Variants in TSEN15 observed in about 807,000 individuals in gnomAD.
The protein encoded by TSEN15 is tRNA-splicing endonuclease subunit Sen15.
TSEN15 carries 10 observed loss-of-function variants against 20.5 expected under a neutral mutation model. The observed-to-expected ratio is 0.49, with a 90% CI of 0.30 to 0.83. TSEN15 has a LOEUF of 0.83. TSEN15 is among the 40% of genes least tolerant of loss of function. The probability of loss-of-function intolerance (pLI) is 0.06; values close to 1 mark genes in which losing one functional copy is unlikely to be tolerated. For synonymous variants in TSEN15, 72 were observed against 80.1 expected, an observed-to-expected ratio of 0.90 and a Z score of 0.54; for missense variants, 180 against 218.6, an observed-to-expected ratio of 0.82 and a Z score of 1.11.
In TSEN15 at chr1:184,059,302, T is replaced by C. The variant is rs140188996; in HGVS notation, c.353+4439T>C. On this transcript the variant is annotated intron_variant, in intron 3 of 4. Transcript: ENST00000645668. ...GGTAACTGCAAGTAATTAAGCATGA[T>C]TGCCTACCTAGCATGGTGTCTAGTC... Among the ~76,000 whole-genome samples the C allele has an allele frequency of 3.1e-3, 469 of 152,262 alleles. 2 individuals carry two copies. Among genetic ancestry groups the C allele is most frequent in the African/African-American group, 7.4e-3 (306 of 41,550 alleles).
Position 184,096,683 on chromosome 1 carries a change from G to A in TSEN15, c.*879G>A, listed in dbSNP as rs375917501. 425 of 155,120 alleles carry A rather than the reference G, an allele frequency of 2.7e-3. 8 individuals are homozygous for A. In the South Asian group the frequency reaches 0.037, roughly 14 times the overall value. 9.6% of individuals were successfully genotyped at this position (155,120 alleles called of 1,614,324 possible). A position where few individuals can be genotyped will look rare whatever the true frequency, so the allele number is the denominator to read the frequency against. ...AGAAAGAGGTTTAATTGGACTTACC[G>A]TTCCACATGGCTGGGGAAGCCTCAC... On this transcript the variant is annotated 3_prime_UTR_variant, in exon 4 of 4. Coordinates refer to the TSEN15 transcript ENST00000643231.
intron 3 of TSEN15, among the ~76,000 whole-genome samples, chr1:184,070,177 T>C (rs1258489627): frequency 6.6e-6 from 1 of 151,976 alleles, no homozygotes; most frequent in Non-Finnish European, 1.5e-5. Context: ...AAGATGGAAA[T>C]TTCTATTCTA....
At chr1:184,081,706 C>T (rs912226339) in intron 3 of TSEN15, among the ~76,000 whole-genome samples, 1 of 152,046 alleles carries the variant, frequency 6.6e-6, no homozygotes, top group African/African-American at 2.4e-5. Flanking sequence ...GAGTGAGTTT[C>T]GGGTTGTTTT....
At position 184,059,050 on chromosome 1, in the gene TSEN15, G is replaced by A. The variant is rs74574597; in HGVS notation, c.353+4187G>A. ...GAAAATACTTTTTTTTTTTTTTTTG[G>A]TAATTGTTGGATGGAATTTTAAAAA... On this transcript the variant is annotated intron_variant, in intron 3 of 4. Coordinates refer to ENST00000645668, the MANE Select transcript of TSEN15 (RefSeq NM_052965.4). 1.4e-4 allele frequency among the ~76,000 whole-genome samples: 20 copies of A among 145,492 alleles called. No individual in the cohort carries two copies. The East Asian group carries it at 1.4e-3, about 10-fold the overall frequency.
At chr1:184,078,483 C>T (rs1651104508), downstream of TSEN15, among the ~76,000 whole-genome samples, 1 of 152,090 alleles carries the variant, frequency 6.6e-6, no homozygotes, top group African/African-American at 2.4e-5. Context: ...TTAGCTGGGG[C>T]ATGAAAGAGG....
chr1:184,095,631 T>TTCTCTCTCTCTCTCTATCTCTC (rs1651434958), intron 3 of TSEN15: 62 of 386,120 alleles, frequency 1.6e-4, no homozygotes, highest in Non-Finnish European at 2.5e-4. Context: ...TCTCTCCCCC[T>TTCTCTCTCTCTCTCTATCTCTC]TCTCTCTCTC....
chr1:184,075,063 T>C (rs1651030143), downstream of TSEN15, among the ~76,000 whole-genome samples: 1 of 152,132 alleles, frequency 6.6e-6, no homozygotes, highest in Admixed American at 6.6e-5. Flanking sequence ...CAGAAAGAAG[T>C]GTAAGGATAA....
chr1:184,095,661 CTCTCTCTG>C (rs777548473), intron 3 of TSEN15: 27 of 367,994 alleles, frequency 7.3e-5, no homozygotes, highest in Non-Finnish European at 2.4e-5. Context: ...CTCTCTCTCT[CTCTCTCTG>C]TGTCTCTCTC....
chr1:184,068,697 G>T (rs757236890), intron 3 of TSEN15, among the ~76,000 whole-genome samples: 3 of 152,180 alleles, frequency 2.0e-5, no homozygotes, highest in African/African-American at 7.2e-5. Flanking sequence ...TTGGGACTGA[G>T]CCTGTGGATG....
At position 184,072,149 on chromosome 1, in the gene TSEN15, A is replaced by G. The variant is rs1457412054; in HGVS notation, c.354-8A>G. The G allele has an allele frequency of 6.2e-7, 1 of 1,612,552 alleles. No individual in the cohort carries two copies. Among genetic ancestry groups the G allele is most frequent in the Non-Finnish European group, 8.5e-7 (1 of 1,179,244 alleles). On this transcript the variant is annotated splice_polypyrimidine_tract_variant and splice_region_variant and intron_variant, in intron 3 of 4. Coordinates refer to ENST00000645668, the MANE Select transcript of TSEN15 (RefSeq NM_052965.4). ...CAACTCCTAAGTATATTGTGACTTT[A>G]TTTTCAGGATAAGGGAGATCTTGAA...
intron 3 of TSEN15, among the ~76,000 whole-genome samples, chr1:184,089,200 C>T (rs1374307974): frequency 6.6e-6 from 1 of 152,216 alleles, no homozygotes; most frequent in Non-Finnish European, 1.5e-5. Flanking sequence ...GGGTTCTTAT[C>T]AACCCACAGT....
At chr1:184,052,508 A>G (rs1650092293) in intron 1 of TSEN15, among the ~76,000 whole-genome samples, 1 of 152,080 alleles carries the variant, frequency 6.6e-6, no homozygotes, top group African/African-American at 2.4e-5. Context: ...TGCCTTGTAC[A>G]AGTACGGTTC....
intron 3 of TSEN15, among the ~76,000 whole-genome samples, chr1:184,062,454 C>CT (rs577959803): frequency 1.3e-5 from 2 of 152,096 alleles, no homozygotes; most frequent in Non-Finnish European, 2.9e-5. Context: ...CTAACTAAAA[C>CT]TAGTGACCTA....
intron 3 of TSEN15, among the ~76,000 whole-genome samples, chr1:184,064,997 A>G (rs879904192): frequency 4.6e-5 from 7 of 152,186 alleles, no homozygotes; most frequent in Non-Finnish European, 8.8e-5. Context: ...TCAGACTCAT[A>G]TATGTAAGTG....
Position 184,072,024 on chromosome 1 carries a change from A to T in TSEN15, c.354-133A>T, listed in dbSNP as rs1366420705. Reference sequence around the variant, plus strand: ...CAGAAGACTCTGATGTTATTTTTTAAAATTATTTTTTCTCTTTTTACTTCA... The same window carrying T: ...CAGAAGACTCTGATGTTATTTTTTATAATTATTTTTTCTCTTTTTACTTCA... On this transcript the variant is annotated intron_variant, in intron 3 of 4. Transcript: ENST00000645668. 3 of 799,832 alleles carry T rather than the reference A, an allele frequency of 3.8e-6. No individual in the cohort carries two copies. The African/African-American group carries it at 5.3e-5, about 14-fold the overall frequency. 49.5% of individuals were successfully genotyped at this position (799,832 alleles called of 1,614,324 possible). A position where few individuals can be genotyped will look rare whatever the true frequency, so the allele number is the denominator to read the frequency against.
intron 3 of TSEN15, among the ~76,000 whole-genome samples, chr1:184,063,627 G>A (rs1181103658): frequency 6.6e-6 from 1 of 151,720 alleles, no homozygotes; most frequent in African/African-American, 2.4e-5. Context: ...TTTTTTCTTT[G>A]TCAGAATTAA....
rs186929729 is a variant in TSEN15, at chr1:184,068,620, G to A, written c.354-3537G>A. Among the ~76,000 whole-genome samples the A allele has an allele frequency of 2.6e-5, 4 of 152,200 alleles. No individual in the cohort carries two copies. The East Asian group carries it at 7.7e-4, about 29-fold the overall frequency. ...ACCCCCTTGGAATTTTAGCTGCCTT[G>A]ATTTTTTACTAGGAAGGCATTGGCA... On this transcript the variant is annotated intron_variant, in intron 3 of 4. Transcript: ENST00000645668.
At chr1:184,081,027 A>G (rs1572720116) in intron 3 of TSEN15, among the ~76,000 whole-genome samples, 2 of 152,334 alleles carry the variant, frequency 1.3e-5, no homozygotes, top group East Asian at 1.9e-4. Flanking sequence ...ATTAGATTCA[A>G]TAGGTCAAAT....
In TSEN15 at chr1:184,073,653, A is replaced by G. The variant is rs41263660; in HGVS notation, c.*806A>G. ...AGTATAAAAAATTATATGCACAAAGATGTTCCAAGTGACATTACTTTTAGT... is the reference window on the plus strand; with the variant it reads ...AGTATAAAAAATTATATGCACAAAGGTGTTCCAAGTGACATTACTTTTAGT... On this transcript the variant is annotated 3_prime_UTR_variant, in exon 5 of 5. Transcript: ENST00000645668. 1 of 152,740 alleles carries G rather than the reference A, an allele frequency of 6.5e-6. No individual in the cohort carries two copies. Among genetic ancestry groups the G allele is most frequent in the Non-Finnish European group, 1.5e-5 (1 of 68,040 alleles). The allele number at this position is 152,740 out of a possible 1,614,324, so 9.5% of individuals were successfully genotyped here.
Sources: gnomAD v4.1 joint callset for allele counts (sites outside exome capture counted in the v4.1 genomes callset) on GRCh38, gnomAD v4.1.1 for gene constraint, MANE v1.5 for transcripts, NCBI Gene and HGNC (gene_info 2026-07-23, HGNC 2026-07-21) for gene names.